Variants in CNTN4 observed in about 807,000 individuals in gnomAD.
CNTN4 encodes contactin-4.
CNTN4 carries 77 observed loss-of-function variants against 122.5 expected under a neutral mutation model. That is an observed-to-expected ratio of 0.63 (90% CI 0.52 to 0.76). CNTN4 has a LOEUF of 0.76. Among genes scored for constraint, CNTN4 ranks in the 30% least tolerant of loss-of-function variants. The pLI, the probability that CNTN4 is intolerant of heterozygous loss-of-function variation, is 0.00. For synonymous variants in CNTN4, 512 were observed against 447.0 expected (o/e 1.15, Z -1.83); for missense variants, 1,256 against 1,259.1 (o/e 1.00, Z 0.04).
chr3:2,585,052 A>G (rs565256766), intron 4 of CNTN4, among the ~76,000 whole-genome samples: 1 of 152,362 alleles, frequency 6.6e-6, no homozygotes, highest in African/African-American at 2.4e-5. Flanking sequence ...AAAATACTAC[A>G]TCACTCACCT....
At chr3:2,776,405 G>A (rs2091319590) in intron 6 of CNTN4, among the ~76,000 whole-genome samples, 1 of 151,872 alleles carries the variant, frequency 6.6e-6, no homozygotes. Flanking sequence ...CTCAGTCAAG[G>A]GGTCCTCTAT....
chr3:2,885,434 G>A (rs1202412063), intron 9 of CNTN4, among the ~76,000 whole-genome samples: 1 of 152,164 alleles, frequency 6.6e-6, no homozygotes, highest in Non-Finnish European at 1.5e-5. Context: ...ACTGCTGTAA[G>A]TTGGTAAGGT....
At chr3:2,147,916 A>G (rs974085221) in intron 2 of CNTN4, among the ~76,000 whole-genome samples, 3 of 152,158 alleles carry the variant, frequency 2.0e-5, no homozygotes, top group Non-Finnish European at 4.4e-5. Flanking sequence ...TGTCCTCATT[A>G]AAAACTCCAC....
chr3:2,985,984 G>A (rs1008938182), intron 13 of CNTN4, among the ~76,000 whole-genome samples: 9 of 145,630 alleles, frequency 6.2e-5, no homozygotes, highest in African/African-American at 1.5e-4. Flanking sequence ...GTGCCATCTC[G>A]GCTCACTGCA....
intron 13 of CNTN4, among the ~76,000 whole-genome samples, chr3:2,937,759 C>G (rs989075576): frequency 6.6e-6 from 1 of 152,176 alleles, no homozygotes; most frequent in Non-Finnish European, 1.5e-5. Context: ...GGAAGAGACT[C>G]TCAGTCAGGC....
rs190034938 is a variant in CNTN4 at position 3,025,543 on chromosome 3, A to G, written c.1487-559A>G. 3.3e-4 allele frequency among the ~76,000 whole-genome samples: 50 copies of G among 152,266 alleles called. 1 individual carries two copies. The highest frequency in any genetic ancestry group is 2.7e-3 in the Admixed American group (42 of 15,290). The stretch of plus-strand genomic sequence containing the variant: ...AAAACAACTGAAAAACTGTGAACCA[A>G]AAAGACTGGGGGAAATTATACCACC... On this transcript the variant is annotated intron_variant, in intron 14 of 24. Transcript: ENST00000418658.
At chr3:2,849,655 A>C (rs917606913) in intron 7 of CNTN4, among the ~76,000 whole-genome samples, 1 of 152,240 alleles carries the variant, frequency 6.6e-6, no homozygotes, top group Non-Finnish European at 1.5e-5. Context: ...GAAGAAGATC[A>C]AGGGATACAA....
intron 2 of CNTN4, among the ~76,000 whole-genome samples, chr3:2,213,710 C>T (rs1343931918): frequency 2.0e-5 from 3 of 152,148 alleles, no homozygotes; most frequent in Non-Finnish European, 4.4e-5. Flanking sequence ...CCCTGAAAAG[C>T]AAGTTTTGTT....
intron 2 of CNTN4, among the ~76,000 whole-genome samples, chr3:2,286,318 A>C (rs1259188388): frequency 6.7e-6 from 1 of 150,064 alleles, no homozygotes; most frequent in East Asian, 2.0e-4. Context: ...TTGTGTATAC[A>C]CCAGTTTCTA....
At chr3:2,359,838 C>T (rs773497940) in intron 3 of CNTN4, among the ~76,000 whole-genome samples, 10 of 152,116 alleles carry the variant, frequency 6.6e-5, no homozygotes, top group Admixed American at 1.3e-4. Context: ...GGCACCTGGC[C>T]GTATATATGA....
chr3:2,421,575 G>A (rs536684014), intron 3 of CNTN4, among the ~76,000 whole-genome samples: 1 of 152,164 alleles, frequency 6.6e-6, no homozygotes, highest in Admixed American at 6.5e-5. Context: ...TGTTTATCTT[G>A]ATTTCTTTTT....
At chr3:2,593,229 G>A (rs917019438) in intron 4 of CNTN4, among the ~76,000 whole-genome samples, 1 of 152,156 alleles carries the variant, frequency 6.6e-6, no homozygotes, top group Non-Finnish European at 1.5e-5. Context: ...TTGTATTTTG[G>A]TGGTTGTTGA....
intron 2 of CNTN4, among the ~76,000 whole-genome samples, chr3:2,267,360 T>G (rs978375976): frequency 6.6e-6 from 1 of 152,172 alleles, no homozygotes; most frequent in East Asian, 1.9e-4. Context: ...AAATTCATAC[T>G]GCAGAAAAAT....
chr3:2,429,177 G>C (rs192028570), intron 3 of CNTN4, among the ~76,000 whole-genome samples: 1 of 152,228 alleles, frequency 6.6e-6, no homozygotes, highest in East Asian at 1.9e-4. Context: ...AGAATTTTCA[G>C]GTTTTCTGCT....
intron 2 of CNTN4, among the ~76,000 whole-genome samples, chr3:2,227,054 G>A (rs1377015329): frequency 1.3e-5 from 2 of 152,058 alleles, no homozygotes; most frequent in African/African-American, 4.8e-5. Flanking sequence ...GTGATAGAAT[G>A]TACCCTATTC....
At chr3:2,258,616 A>C (rs905180448) in intron 2 of CNTN4, among the ~76,000 whole-genome samples, 1 of 152,290 alleles carries the variant, frequency 6.6e-6, no homozygotes, top group Admixed American at 6.5e-5. Flanking sequence ...AACCTACCAC[A>C]CATAATATAA....
At chr3:2,460,494 A>C (rs1282720920) in intron 3 of CNTN4, among the ~76,000 whole-genome samples, 2 of 152,094 alleles carry the variant, frequency 1.3e-5, no homozygotes, top group Non-Finnish European at 2.9e-5. Context: ...TTTGGGCTCA[A>C]ATATTAAGGA....
intron 6 of CNTN4, among the ~76,000 whole-genome samples, chr3:2,751,928 T>C (rs563000695): frequency 2.2e-4 from 33 of 152,290 alleles, no homozygotes; most frequent in African/African-American, 7.7e-4. Flanking sequence ...TCGTTAATTG[T>C]TCCATTTCAT....
At chr3:2,308,374 T>G (rs1379492229) in intron 2 of CNTN4, among the ~76,000 whole-genome samples, 1 of 152,060 alleles carries the variant, frequency 6.6e-6, no homozygotes, top group Non-Finnish European at 1.5e-5. Context: ...TTGATTTTTT[T>G]CTGTTGTTTT....
Sources: gnomAD v4.1 joint callset for allele counts (sites outside exome capture counted in the v4.1 genomes callset) on GRCh38, gnomAD v4.1.1 for gene constraint, MANE v1.5 for transcripts, NCBI Gene and HGNC (gene_info 2026-07-23, HGNC 2026-07-21) for gene names.